Variants in UCHL3 observed in about 807,000 individuals in gnomAD.
UCHL3 encodes the protein ubiquitin C-terminal hydrolase L3.
Under a neutral mutation model 35.8 loss-of-function variants are expected in UCHL3, and 22 were observed. The observed-to-expected ratio is 0.61, with a 90% confidence interval of 0.44 to 0.88. The LOEUF is 0.88. Ranked by LOEUF, UCHL3 falls within the 40% of genes least tolerant of loss-of-function variation. UCHL3 has a pLI of 0.00. For missense variants in UCHL3, 229 were observed against 276.9 expected, an observed-to-expected ratio of 0.83 and a Z score of 1.23; for synonymous variants, 90 against 92.8, an observed-to-expected ratio of 0.97 and a Z score of 0.17.
intron 6 of UCHL3, among the ~76,000 whole-genome samples, chr13:75,574,489 A>G (rs2031962290): frequency 6.6e-6 from 1 of 152,172 alleles, no homozygotes; most frequent in African/African-American, 2.4e-5. Context: ...ACATAGTTTG[A>G]AGGTAAGAGC....
chr13:75,595,065 A>G (rs925146747), intron 7 of UCHL3, 75 bp downstream of exon 7: 2 of 1,069,138 alleles, frequency 1.9e-6, no homozygotes, highest in African/African-American at 3.3e-5. Flanking sequence ...AAACAGGACT[A>G]TTGATATTTA....
At chr13:75,571,075 T>G (rs1185418357) in intron 6 of UCHL3, among the ~76,000 whole-genome samples, 1 of 152,246 alleles carries the variant, frequency 6.6e-6, no homozygotes, top group Non-Finnish European at 1.5e-5. Flanking sequence ...TTGCTTTATA[T>G]GATCCTGAAC....
At chr13:75,590,927 T>A (rs919576402) in intron 6 of UCHL3, among the ~76,000 whole-genome samples, 1 of 152,224 alleles carries the variant, frequency 6.6e-6, no homozygotes, top group Non-Finnish European at 1.5e-5. Flanking sequence ...ACTACAGAAT[T>A]AAGCAACTAC....
In UCHL3 at chr13:75,551,250, G is replaced by T. The variant is rs141328876; in HGVS notation, c.54+1263G>T. On this transcript the variant is annotated intron_variant, in intron 2 of 8. Transcript: ENST00000377595. ...CAGGAGTTCGAGACCAGTCTGGCTG[G>T]TGAAACCCCGTCTCTGCTAAAAATA... Among the ~76,000 whole-genome samples, 602 of 152,160 alleles carry T rather than the reference G, an allele frequency of 4.0e-3. 4 individuals are homozygous for T. The highest frequency in any genetic ancestry group is 6.6e-3 in the Non-Finnish European group (448 of 67,980).
At chr13:75,561,900 C>A (rs1370663531) in intron 3 of UCHL3, among the ~76,000 whole-genome samples, 1 of 151,014 alleles carries the variant, frequency 6.6e-6, no homozygotes, top group Admixed American at 6.6e-5. Flanking sequence ...TATACACACA[C>A]ATGCACATAT....
chr13:75,551,690 T>TA (rs2031114665), intron 2 of UCHL3, among the ~76,000 whole-genome samples: 1 of 152,262 alleles, frequency 6.6e-6, no homozygotes, highest in Admixed American at 6.5e-5. Flanking sequence ...ATCAATAGAC[T>TA]AAAAAACAAA....
intron 2 of UCHL3, among the ~76,000 whole-genome samples, chr13:75,555,630 A>ATG (rs1379318328): frequency 6.7e-6 from 1 of 149,228 alleles, no homozygotes. Flanking sequence ...AATAATATAT[A>ATG]AGTAGAAGAA....
chr13:75,582,790 T>C (rs2032221920), intron 6 of UCHL3, among the ~76,000 whole-genome samples: 1 of 152,246 alleles, frequency 6.6e-6, no homozygotes. Context: ...GTTAATATTA[T>C]AAGGATTTAA....
At chr13:75,568,652 G>A (rs1566215158) in intron 5 of UCHL3, among the ~76,000 whole-genome samples, 1 of 151,660 alleles carries the variant, frequency 6.6e-6, no homozygotes, top group Non-Finnish European at 1.5e-5. Flanking sequence ...ATAAATTATT[G>A]TTAGAAATTT....
intron 6 of UCHL3, among the ~76,000 whole-genome samples, chr13:75,577,092 A>G (rs1443797729): frequency 6.6e-6 from 1 of 152,140 alleles, no homozygotes; most frequent in African/African-American, 2.4e-5. Context: ...TGTACAAAAA[A>G]ATTAGCCAGA....
intron 6 of UCHL3, among the ~76,000 whole-genome samples, chr13:75,586,217 A>G (rs935247260): frequency 6.6e-6 from 1 of 152,078 alleles, no homozygotes; most frequent in African/African-American, 2.4e-5. Flanking sequence ...GAGTAGTTAT[A>G]TTGACATGAA....
intron 7 of UCHL3, among the ~76,000 whole-genome samples, chr13:75,596,612 T>C (rs2032652463): frequency 6.6e-6 from 1 of 152,156 alleles, no homozygotes; most frequent in Admixed American, 6.5e-5. Context: ...ATAAATCTGA[T>C]TGTGACTTTC....
At chr13:75,570,109 G>A (rs2031806495) in intron 6 of UCHL3, among the ~76,000 whole-genome samples, 1 of 151,984 alleles carries the variant, frequency 6.6e-6, no homozygotes, top group African/African-American at 2.4e-5. Flanking sequence ...GAGGAAGTTT[G>A]TCAGAAGGTA....
intron 7 of UCHL3, among the ~76,000 whole-genome samples, chr13:75,600,206 T>C (rs1187680568): frequency 6.6e-6 from 1 of 152,224 alleles, no homozygotes; most frequent in East Asian, 1.9e-4. Flanking sequence ...GTCATCTCCA[T>C]AACATAAAAG....
intron 7 of UCHL3, chr13:75,604,560 A>T (rs1003765009): frequency 5.2e-6 from 2 of 387,580 alleles, no homozygotes; most frequent in Non-Finnish European, 9.1e-6. Flanking sequence ...AAGATAATTT[A>T]GGCTTTCAAA....
intron 7 of UCHL3, among the ~76,000 whole-genome samples, chr13:75,595,951 T>A (rs895114140): frequency 6.6e-6 from 1 of 152,068 alleles, no homozygotes; most frequent in African/African-American, 2.4e-5. Flanking sequence ...CCTTCTCGAG[T>A]TTTAAAAAAG....
At chr13:75,590,039 T>C in intron 6 of UCHL3, 1 of 1,304,684 alleles carries the variant, frequency 7.7e-7, no homozygotes, top group South Asian at 1.2e-5. Context: ...AACGTAACCA[T>C]GTAGGCCCTG....
chr13:75,556,663 T>A (rs1020783711), intron 2 of UCHL3, among the ~76,000 whole-genome samples: 5 of 152,156 alleles, frequency 3.3e-5, no homozygotes, highest in African/African-American at 1.2e-4. Flanking sequence ...TTTTTAAGAC[T>A]CGTTTGTGTG....
At chr13:75,554,458 A>G (rs561388658) in intron 2 of UCHL3, among the ~76,000 whole-genome samples, 1 of 152,298 alleles carries the variant, frequency 6.6e-6, no homozygotes, top group East Asian at 1.9e-4. Flanking sequence ...CATTCCTCAG[A>G]TCTAATTGAT....
Sources: allele counts gnomAD v4.1 joint callset (sites outside exome capture counted in the v4.1 genomes callset), GRCh38; gene constraint gnomAD v4.1.1; transcripts MANE v1.5; gene names NCBI Gene and HGNC (gene_info 2026-07-23, HGNC 2026-07-21).